Variants in SPEG observed in about 807,000 individuals in gnomAD.
SPEG encodes striated muscle enriched protein kinase, also known as striated muscle preferentially expressed protein kinase.
SPEG carries 114 observed loss-of-function variants against 300.4 expected under a neutral mutation model. The ratio of observed to expected loss-of-function variants is 0.38; its 90% CI spans 0.33 to 0.44. The LOEUF (loss-of-function observed/expected upper bound fraction) is 0.44. SPEG is among the 20% of genes least tolerant of loss of function. The probability of loss-of-function intolerance (pLI) is 1.00; values close to 1 mark genes in which losing one functional copy is unlikely to be tolerated. For synonymous variants in SPEG, 1,964 were observed against 2,018.9 expected (o/e 0.97, Z 0.73); for missense variants, 4,201 against 4,586.2 (o/e 0.92, Z 2.43).
rs1437408874 is a variant in SPEG at position 219,435,152 on chromosome 2, G to A, written c.175G>A (p.Asp59Asn). The A allele has an allele frequency of 2.0e-6, 3 of 1,466,500 alleles. No individual in the cohort carries two copies. Among genetic ancestry groups the A allele is most frequent in the East Asian group, 5.8e-5 (2 of 34,334 alleles). 90.8% of individuals were successfully genotyped at this position (1,466,500 alleles called of 1,614,324 possible). ...GAACGCGGCGGTGTGCGCGGGCAGC[G>A]ACGTGCGGCTGCGGGTGGTGGTGAG... ...LKNAAVCAGSDVRLRVVVSGT... is the reference protein window; with the variant it reads ...LKNAAVCAGSNVRLRVVVSGT... Residue 59 changes from aspartate (D) to asparagine (N), a missense_variant, in exon 1 of 41, where the codon GAC (aspartate) becomes AAC (asparagine). Transcript: ENST00000312358.
In SPEG at chr2:219,483,886, G is replaced by A. The variant is rs765946108; in HGVS notation, c.6423G>A (p.Arg2141=). ...AGGGTGAGGCGGAGCCCCGGGGCCG[G>A]CACCGCCGAGCGGGGGCGCCCCTCG... ...FSQGEAEPRG[R]HRRAGAPLEI... is the part of the protein sequence containing the mutation. The change falls in exon 30 of 41, where the codon CGG becomes CGA. Residue 2141 remains arginine, a synonymous_variant. Coordinates refer to ENST00000312358, the MANE Select transcript of SPEG (RefSeq NM_005876.5). The A allele has an allele frequency of 1.9e-6, 3 of 1,599,032 alleles. No individual in the cohort carries two copies. Among genetic ancestry groups the A allele is most frequent in the East Asian group, 2.2e-5 (1 of 44,730 alleles).
In SPEG at chr2:219,484,051, C is replaced by T. The variant is rs1290959698; in HGVS notation, c.6588C>T (p.Ala2196=). The change falls in exon 30 of 41, where the codon GCC becomes GCT. Residue 2196 remains alanine (A), a synonymous_variant. Coordinates refer to ENST00000312358, the MANE Select transcript of SPEG (RefSeq NM_005876.5). ...CCCCTAAGTCTGCAGAACCTTCTGCCACCACACCTAGTGATGCTCCGCAGC... is the reference window on the plus strand; with the variant it reads ...CCCCTAAGTCTGCAGAACCTTCTGCTACCACACCTAGTGATGCTCCGCAGC... ...PSTPKSAEPS[A]TTPSDAPQPP... 1.2e-6 allele frequency: 2 copies of T among 1,613,696 alleles called. No homozygotes were observed. Among genetic ancestry groups the T allele is most frequent in the South Asian group, 2.2e-5 (2 of 91,074 alleles).
chr2:219,441,715 G>A, intron 1 of SPEG: 1 of 390,476 alleles, frequency 2.6e-6, no homozygotes, highest in Non-Finnish European at 5.2e-6. Context: ...GATGCAGGGT[G>A]GGGGTCCGTG....
At chr2:219,452,536 G>A (rs1186210358) in intron 6 of SPEG, among the ~76,000 whole-genome samples, 1 of 152,062 alleles carries the variant, frequency 6.6e-6, no homozygotes, top group African/African-American at 2.4e-5. Context: ...GGATGGTCAG[G>A]GGGTATTACA....
chr2:219,439,140 A>G lies in SPEG; in HGVS notation c.388+3775A>G, dbSNP rs1236911228. 3.9e-5 allele frequency among the ~76,000 whole-genome samples: 6 copies of G among 152,074 alleles called. No individual in the cohort carries two copies. In the East Asian group the frequency reaches 1.2e-3, roughly 29 times the overall value. On this transcript the variant is annotated intron_variant, in intron 1 of 40. Coordinates refer to ENST00000312358, the MANE Select transcript of SPEG (RefSeq NM_005876.5). The surrounding 1 kb of genome is among the most constrained non-coding windows in gnomAD (Gnocchi z 4.5). ...GAGATGGTCACTTTTCTGGCTAAAG[A>G]CCTCTGGGGACAGAATATGGGTTAG...
At chr2:219,442,189 T>TC in intron 1 of SPEG, 1 of 716,624 alleles carries the variant, frequency 1.4e-6, no homozygotes, top group Non-Finnish European at 1.9e-6. Flanking sequence ...GGGCGCTGGA[T>TC]CGGCGCCTGC....
Position 219,448,126 on chromosome 2 carries a change from G to C in SPEG, c.968G>C (p.Gly323Ala). The C allele has an allele frequency of 1.9e-6, 3 of 1,604,668 alleles. No individual in the cohort carries two copies. Among genetic ancestry groups the C allele is most frequent in the Non-Finnish European group, 2.6e-6 (3 of 1,175,742 alleles). The change falls in exon 4 of 41, where the codon GGA (glycine) becomes GCA (alanine). Residue 323 changes from glycine to alanine, a missense_variant. Physicochemically the swap from Gly to Ala is moderately conservative, Grantham distance 60. This residue lies in a region of SPEG where 1,258 missense variants were observed against 1,293.9 expected (regional missense o/e 0.97). Transcript: ENST00000312358. ...SPRVGKRSPP[G>A]PPAQPAATPT... Reference sequence around the variant, plus strand: ...CGGGTCGGGAAGCGGTCCCCGCCGGGACCCCCGGCCCAGCCCGCGGCCACC... The same window carrying C: ...CGGGTCGGGAAGCGGTCCCCGCCGGCACCCCCGGCCCAGCCCGCGGCCACC...
In SPEG at chr2:219,479,149, C is replaced by T. The variant is rs56318035; in HGVS notation, c.5033C>T (p.Thr1678Ile). ...CTCCTTGATCTGGGATGTAGCTGCA[C>T]AGAGGAGCTGCTGGAGCGAATCGCC... ...RGLVIVTELC[T>I]EELLERIARK... Residue 1678 changes from threonine to isoleucine, a missense_variant, in exon 23 of 41, where the codon ACA becomes ATA. Coordinates refer to ENST00000312358, the MANE Select transcript of SPEG (RefSeq NM_005876.5). This position sits in a 1 kb window ranked among gnomAD's most constrained non-coding sequence, Gnocchi z 5.5. 1 of 1,613,562 alleles carries T rather than the reference C, an allele frequency of 6.2e-7. No individual in the cohort carries two copies. Among genetic ancestry groups the T allele is most frequent in the South Asian group, 1.1e-5 (1 of 91,082 alleles).
In SPEG at chr2:219,483,389, C is replaced by T; in HGVS notation, c.5926C>T (p.Gln1976Ter). The T allele has an allele frequency of 6.3e-7, 1 of 1,597,656 alleles. No individual in the cohort carries two copies. The highest frequency in any genetic ancestry group is 8.5e-7 in the Non-Finnish European group (1 of 1,175,910). Residue 1976 changes from glutamine (Q) to a stop codon, truncating the protein, a stop_gained, in exon 30 of 41, where the codon CAG becomes TAG. Transcript: ENST00000312358. LOFTEE classifies it high-confidence loss of function. ...TGCCACCCCCATGGACTGGCAGGAG[C>T]AGGGAAGGGCTCCCTCTCAGGACCA... ...GAATPMDWQEQGRAPSQDQEA... is the reference protein window; with the variant it reads ...GAATPMDWQE
chr2:219,461,170 C>T, intron 6 of SPEG: 2 of 970,892 alleles, frequency 2.1e-6, no homozygotes, highest in Non-Finnish European at 2.5e-6. Context: ...GACACCCCTC[C>T]CCCAAGGCTG....
At chr2:219,440,991 G>A (rs1163842475) in intron 1 of SPEG, among the ~76,000 whole-genome samples, 3 of 152,186 alleles carry the variant, frequency 2.0e-5, no homozygotes, top group Admixed American at 6.5e-5. Flanking sequence ...CTAAGTGATA[G>A]GACTTCTCTG....
At chr2:219,461,780 G>C (rs907705403) in intron 6 of SPEG, 102 bp from the exon 7 acceptor site, 4 of 1,255,698 alleles carry the variant, frequency 3.2e-6, no homozygotes, top group African/African-American at 1.5e-5. Context: ...GCCGGCCTGC[G>C]GGGAGCTGCC....
At chr2:219,467,563 C>A in intron 10 of SPEG, 129 bp downstream of exon 10, 1 of 1,080,168 alleles carries the variant, frequency 9.3e-7, no homozygotes, top group Non-Finnish European at 1.3e-6. Flanking sequence ...AGGGTGGGAG[C>A]TAGTACATTG....
At chr2:219,453,329 T>G (rs928420297) in intron 6 of SPEG, among the ~76,000 whole-genome samples, 3 of 152,222 alleles carry the variant, frequency 2.0e-5, no homozygotes, top group Non-Finnish European at 1.5e-5. Flanking sequence ...GTTTCCTCAT[T>G]TGTAAACCGG....
In SPEG at chr2:219,479,117, C is replaced by T; in HGVS notation, c.5028-27C>T. On this transcript the variant is annotated intron_variant, in intron 22 of 40. Transcript: ENST00000312358. The surrounding 1 kb of genome is among the most constrained non-coding windows in gnomAD (Gnocchi z 5.5). ...GCTGGGCCGGGCAGTTGGCACTGGG[C>T]ACTGTTCTCCTTGATCTGGGATGTA... 6.2e-7 allele frequency: 1 copy of T among 1,610,422 alleles called. No homozygotes were observed. The highest frequency in any genetic ancestry group is 8.5e-7 in the Non-Finnish European group (1 of 1,177,964).
rs749216092 is a variant in SPEG, at chr2:219,483,447, C to G, written c.5984C>G (p.Pro1995Arg). 1.5e-4 allele frequency: 231 copies of G among 1,532,674 alleles called. No individual in the cohort carries two copies. The highest frequency in any genetic ancestry group is 1.0e-3 in the Middle Eastern group (5 of 4,824). 94.9% of individuals were successfully genotyped at this position (1,532,674 alleles called of 1,614,324 possible). The change falls in exon 30 of 41, where the codon CCA becomes CGA. Residue 1995 changes from proline (P) to arginine (R), a missense_variant. Transcript: ENST00000312358. Reference protein sequence around the residue: ...EAPSPEALPSPGQEPAAGASP... With the variant: ...EAPSPEALPSRGQEPAAGASP... ...CCCAGCCCAGAGGCCCTCCCCTCCC[C>G]AGGCCAGGAGCCCGCAGCTGGGGCT...
chr2:219,490,509 C>T lies in SPEG; in HGVS notation c.9022C>T (p.Leu3008=), dbSNP rs779848354. The part of the protein sequence containing the change: ...PYAAEGKRRV[L]QEYEVLRTLH... The stretch of plus-strand genomic sequence containing the variant: ...TGCTGCCGAGGGCAAGCGGCGGGTC[C>T]TGCAGGAGTACGAGGTGCTGCGGAC... Residue 3008 remains leucine, a synonymous_variant, in exon 37 of 41, where the codon CTG becomes TTG. Coordinates refer to ENST00000312358, the MANE Select transcript of SPEG (RefSeq NM_005876.5). 1.2e-6 allele frequency: 2 copies of T among 1,612,458 alleles called. No individual in the cohort carries two copies. The highest frequency in any genetic ancestry group is 1.6e-4 in the Middle Eastern group (1 of 6,062).
In SPEG at chr2:219,493,497, T is replaced by A. The variant is rs1361521311; in HGVS notation, c.*711T>A. 2 of 450,782 alleles carry A rather than the reference T, an allele frequency of 4.4e-6. No individual in the cohort carries two copies. The highest frequency in any genetic ancestry group is 3.1e-5 in the South Asian group (2 of 63,882). The allele number at this position is 450,782 out of a possible 1,614,324, so 27.9% of individuals were successfully genotyped here. On this transcript the variant is annotated 3_prime_UTR_variant, in exon 41 of 41. Coordinates refer to ENST00000312358, the MANE Select transcript of SPEG (RefSeq NM_005876.5). The stretch of plus-strand genomic sequence containing the variant: ...GCCTCTGGCCTTCTTCCCATTCATA[T>A]TTATTTATTTATTGACTTTTATGAA...
chr2:219,445,326 C>A lies in SPEG; in HGVS notation c.815+165C>A, dbSNP rs1689201095. ...CCATCTTCCCACACTGCTCCCTCCTCCTCCTGAGCCATCACCGCCCACATC... is the reference window on the plus strand; with the variant it reads ...CCATCTTCCCACACTGCTCCCTCCTACTCCTGAGCCATCACCGCCCACATC... On this transcript the variant is annotated intron_variant, in intron 3 of 40. Transcript: ENST00000312358. This position sits in a 1 kb window ranked among gnomAD's most constrained non-coding sequence, Gnocchi z 6.1. Among the ~76,000 whole-genome samples, 2 of 152,154 alleles carry A rather than the reference C, an allele frequency of 1.3e-5. No homozygotes were observed. Among genetic ancestry groups the A allele is most frequent in the Non-Finnish European group, 2.9e-5 (2 of 68,012 alleles).
Sources: allele counts gnomAD v4.1 joint callset (sites outside exome capture counted in the v4.1 genomes callset), GRCh38; gene constraint gnomAD v4.1.1; regional missense constraint gnomAD v4.1.1; non-coding constraint Gnocchi (gnomAD v3.1); transcripts MANE v1.5; gene names NCBI Gene and HGNC (gene_info 2026-07-23, HGNC 2026-07-21).